Variants in RGS7 observed in about 807,000 individuals in gnomAD.
RGS7 encodes regulator of G protein signaling 7.
A neutral mutation model predicts 81.1 loss-of-function variants in RGS7; 27 were observed. That is an observed-to-expected ratio of 0.33 (90% CI 0.25 to 0.46). The LOEUF (loss-of-function observed/expected upper bound fraction) is 0.46. Ranked by LOEUF, RGS7 falls within the 20% of genes least tolerant of loss-of-function variation. The pLI is 1.00. For missense variants in RGS7, 396 were observed against 607.4 expected (o/e 0.65, Z 3.66); for synonymous variants, 208 against 207.7 (o/e 1.00, Z -0.01).
At position 240,868,357 on chromosome 1, in the gene RGS7, T is replaced by C. The variant is rs1180255519; in HGVS notation, c.609+230A>G. Among the ~76,000 whole-genome samples the C allele has an allele frequency of 2.0e-5, 3 of 152,042 alleles. No individual in the cohort carries two copies. The highest frequency in any genetic ancestry group is 6.6e-5 in the Admixed American group (1 of 15,260). The stretch of plus-strand genomic sequence containing the variant: ...CAGATACCTTCAAATAGCAAGAGAG[T>C]AAGCAAGCGATATCATGGTGGGAAA... On this transcript the variant is annotated intron_variant, in intron 9 of 18. Coordinates refer to ENST00000440928, the MANE Select transcript of RGS7 (RefSeq NM_001364886.1). The surrounding 1 kb of genome is among the most constrained non-coding windows in gnomAD (Gnocchi z 5.1).
chr1:241,349,626 G>A (rs1180039555), intron 2 of RGS7, among the ~76,000 whole-genome samples: 1 of 152,196 alleles, frequency 6.6e-6, no homozygotes, highest in African/African-American at 2.4e-5. Context: ...GCAGAAAGAA[G>A]TGGGCCTTTG....
intron 3 of RGS7, among the ~76,000 whole-genome samples, chr1:241,030,723 T>C (rs2060045864): frequency 6.6e-6 from 1 of 152,070 alleles, no homozygotes; most frequent in African/African-American, 2.4e-5. Flanking sequence ...AACCAGTGGG[T>C]TTCCTGGCTT....
intron 2 of RGS7, among the ~76,000 whole-genome samples, chr1:241,245,330 G>A (rs1310735145): frequency 1.3e-5 from 2 of 151,688 alleles, no homozygotes; most frequent in Non-Finnish European, 2.9e-5. Context: ...GTTTAAAAGT[G>A]TATAGCACCT....
At chr1:241,026,280 A>G (rs1013641976) in intron 3 of RGS7, among the ~76,000 whole-genome samples, 3 of 152,132 alleles carry the variant, frequency 2.0e-5, no homozygotes, top group Admixed American at 6.6e-5. Flanking sequence ...CAGACTTGTT[A>G]ATTTATTCTG....
Position 240,816,342 on chromosome 1 carries a change from G to A in RGS7, c.758C>T (p.Pro253Leu), listed in dbSNP as rs773917817. The A allele has an allele frequency of 6.2e-7, 1 of 1,611,470 alleles. No individual in the cohort carries two copies. Among genetic ancestry groups the A allele is most frequent in the South Asian group, 1.1e-5 (1 of 91,004 alleles). The change falls in exon 11 of 19, where the codon CCA becomes CTA. Residue 253 changes from proline (P) to leucine (L), a missense_variant. Physicochemically the swap from Pro to Leu is moderately conservative, Grantham distance 98. Transcript: ENST00000440928. ...CTGTTGTTGTAACTCATCTTCTGTT[G>A]GAGGTTTAGTTTCTGGTGTGGGTGT... is the stretch of plus-strand genomic sequence containing the variant. ...THTPTPETKP[P>L]TEDELQQQIK...
chr1:241,139,013 A>G (rs1285702511), intron 2 of RGS7, among the ~76,000 whole-genome samples: 1 of 152,138 alleles, frequency 6.6e-6, no homozygotes. Flanking sequence ...TTCTGTCACT[A>G]CAGATTGGCC....
chr1:241,000,637 C>A (rs1687995840), intron 3 of RGS7, among the ~76,000 whole-genome samples: 1 of 102,214 alleles, frequency 9.8e-6, no homozygotes, highest in African/African-American at 3.1e-5. Flanking sequence ...TCATTTATTT[C>A]TTTTCTTTTC....
intron 1 of RGS7, 106 bp from the exon 2 acceptor site, chr1:241,355,932 G>T: frequency 1.4e-6 from 1 of 698,324 alleles, no homozygotes; most frequent in Non-Finnish European, 2.6e-6. Context: ...ACAAACTGGG[G>T]CTGGCTGGAG....
intron 2 of RGS7, among the ~76,000 whole-genome samples, chr1:241,137,563 C>G (rs2067609852): frequency 6.6e-6 from 1 of 152,164 alleles, no homozygotes; most frequent in African/African-American, 2.4e-5. Flanking sequence ...CATCACAGGC[C>G]AACTCAGGCT....
chr1:241,202,761 G>A (rs570644141), intron 2 of RGS7, among the ~76,000 whole-genome samples: 2 of 151,792 alleles, frequency 1.3e-5, no homozygotes, highest in East Asian at 3.9e-4. Context: ...GAAGTGGGGA[G>A]GAGTGTAGGG....
At chr1:240,986,904 T>A (rs531940938) in intron 3 of RGS7, among the ~76,000 whole-genome samples, 1 of 152,330 alleles carries the variant, frequency 6.6e-6, no homozygotes, top group African/African-American at 2.4e-5. Context: ...TTATTAAACA[T>A]GATGTTAAAT....
chr1:240,908,025 G>C (rs934867743), intron 6 of RGS7, among the ~76,000 whole-genome samples: 1 of 151,722 alleles, frequency 6.6e-6, no homozygotes, highest in Non-Finnish European at 1.5e-5. Flanking sequence ...TACAAAGTCA[G>C]AACAGTTTTT....
At chr1:240,894,554 T>C (rs1047441713) in intron 6 of RGS7, among the ~76,000 whole-genome samples, 1 of 152,150 alleles carries the variant, frequency 6.6e-6, no homozygotes, top group African/African-American at 2.4e-5. Context: ...GTTTTAATTA[T>C]AACGACCATA....
At chr1:241,257,746 G>A (rs1477823203) in intron 2 of RGS7, among the ~76,000 whole-genome samples, 1 of 152,080 alleles carries the variant, frequency 6.6e-6, no homozygotes, top group Non-Finnish European at 1.5e-5. Context: ...GAAAAAAAAT[G>A]TGGTCTACAT....
At position 240,815,926 on chromosome 1, in the gene RGS7, T is replaced by C. The variant is rs1052691326; in HGVS notation, c.783+391A>G. Among the ~76,000 whole-genome samples, 7 of 152,230 alleles carry C rather than the reference T, an allele frequency of 4.6e-5. No individual in the cohort carries two copies. The East Asian group carries it at 1.3e-3, about 29-fold the overall frequency. On this transcript the variant is annotated intron_variant, in intron 11 of 18. Coordinates refer to ENST00000440928, the MANE Select transcript of RGS7 (RefSeq NM_001364886.1). ...AGTAAGCACTCTTGTGAAGAAAATG[T>C]CCTATCATTGGATGTGGGAAGTGTG...
intron 2 of RGS7, among the ~76,000 whole-genome samples, chr1:241,255,931 T>C (rs1053443054): frequency 3.9e-5 from 6 of 152,150 alleles, no homozygotes; most frequent in Non-Finnish European, 8.8e-5. Flanking sequence ...AAATAATCTA[T>C]GTTTCCGGAA....
intron 3 of RGS7, among the ~76,000 whole-genome samples, chr1:241,055,932 G>A (rs1005905473): frequency 1.3e-5 from 2 of 152,170 alleles, no homozygotes; most frequent in African/African-American, 4.8e-5. Flanking sequence ...CAAGAGGAAT[G>A]CCAAATGTAT....
intron 9 of RGS7, among the ~76,000 whole-genome samples, chr1:240,850,170 A>C (rs1659845619): frequency 6.6e-6 from 1 of 152,186 alleles, no homozygotes; most frequent in Non-Finnish European, 1.5e-5. Context: ...GTTCTTCACA[A>C]ATATTGTGGG....
chr1:241,236,212 C>T (rs2075968787), intron 2 of RGS7, among the ~76,000 whole-genome samples: 2 of 147,416 alleles, frequency 1.4e-5, no homozygotes, highest in Admixed American at 6.8e-5. Flanking sequence ...GCATGAATAC[C>T]GTAAAGGAAG....
Sources: allele counts gnomAD v4.1 joint callset (sites outside exome capture counted in the v4.1 genomes callset), GRCh38; gene constraint gnomAD v4.1.1; non-coding constraint Gnocchi (gnomAD v3.1); transcripts MANE v1.5; gene names NCBI Gene and HGNC (gene_info 2026-07-23, HGNC 2026-07-21).